The following ARHGAP24 variants were observed in gnomAD, a reference collection of about 807,000 sequenced individuals.
ARHGAP24 encodes rho GTPase-activating protein 24.
In ARHGAP24, 50 loss-of-function variants were observed where a neutral mutation model predicts 76.4. The observed-to-expected ratio is 0.65, with a 90% confidence interval of 0.52 to 0.83. ARHGAP24 has a LOEUF of 0.83. Ranked by LOEUF, ARHGAP24 falls within the 40% of genes least tolerant of loss-of-function variation. ARHGAP24 has a pLI of 0.00. For missense variants in ARHGAP24, 930 were observed against 914.2 expected, an observed-to-expected ratio of 1.02 and a Z score of -0.22; for synonymous variants, 345 against 323.3, an observed-to-expected ratio of 1.07 and a Z score of -0.72.
chr4:85,513,883 C>G (rs1724381921), intron 1 of ARHGAP24, among the ~76,000 whole-genome samples: 1 of 152,168 alleles, frequency 6.6e-6, no homozygotes, highest in Non-Finnish European at 1.5e-5. Context: ...GAGGTTTCAT[C>G]TAAGTCACAG....
chr4:85,931,670 A>G (rs1452369322), intron 4 of ARHGAP24, among the ~76,000 whole-genome samples: 1 of 152,192 alleles, frequency 6.6e-6, no homozygotes, highest in Non-Finnish European at 1.5e-5. Context: ...ACAACTTATG[A>G]TCAGTAAAAG....
intron 3 of ARHGAP24, among the ~76,000 whole-genome samples, chr4:85,787,205 G>A (rs1288580667): frequency 6.6e-6 from 1 of 152,166 alleles, no homozygotes; most frequent in East Asian, 1.9e-4. Flanking sequence ...CTAACAAGAG[G>A]ATATGAGCTT....
chr4:85,665,677 G>A (rs1287209881), intron 2 of ARHGAP24, among the ~76,000 whole-genome samples: 1 of 152,118 alleles, frequency 6.6e-6, no homozygotes, highest in African/African-American at 2.4e-5. Flanking sequence ...CATGTTTAGT[G>A]CTTCCTTCAG....
At chr4:85,591,904 C>T (rs10003508) in intron 2 of ARHGAP24, among the ~76,000 whole-genome samples, 1,936 of 152,168 alleles carry the variant, frequency 0.013, 43 homozygotes, top group African/African-American at 0.044. Context: ...ATTACCATAC[C>T]ACAGCCAACC....
chr4:85,940,197 G>T (rs1006259834), intron 4 of ARHGAP24, among the ~76,000 whole-genome samples: 2 of 152,042 alleles, frequency 1.3e-5, no homozygotes, highest in Non-Finnish European at 2.9e-5. Context: ...CAGAAAACTG[G>T]CTTAAACACA....
intron 3 of ARHGAP24, among the ~76,000 whole-genome samples, chr4:85,902,364 C>A (rs967638619): frequency 1.3e-5 from 2 of 152,172 alleles, no homozygotes; most frequent in Non-Finnish European, 2.9e-5. Flanking sequence ...ACTGTATTTT[C>A]TTTCCCAAGA....
intron 2 of ARHGAP24, among the ~76,000 whole-genome samples, chr4:85,660,554 T>G (rs1041602475): frequency 2.8e-5 from 4 of 143,770 alleles, no homozygotes; most frequent in African/African-American, 5.9e-5. Flanking sequence ...TCCCAGCACT[T>G]TGGGAGGCTG....
chr4:85,983,452 T>C (rs1739800209), intron 8 of ARHGAP24, among the ~76,000 whole-genome samples: 1 of 152,166 alleles, frequency 6.6e-6, no homozygotes, highest in Non-Finnish European at 1.5e-5. Context: ...TTCTTGACTT[T>C]TTAATAATCA....
At chr4:85,888,257 C>T (rs933137406) in intron 3 of ARHGAP24, among the ~76,000 whole-genome samples, 4 of 151,734 alleles carry the variant, frequency 2.6e-5, no homozygotes, top group African/African-American at 9.7e-5. Flanking sequence ...AAAAATTAGC[C>T]GGACGTGGTG....
At chr4:85,816,864 C>G (rs1211351170) in intron 3 of ARHGAP24, among the ~76,000 whole-genome samples, 1 of 152,088 alleles carries the variant, frequency 6.6e-6, no homozygotes, top group Non-Finnish European at 1.5e-5. Context: ...ATGGCTGTAC[C>G]AATTTACATT....
intron 8 of ARHGAP24, among the ~76,000 whole-genome samples, chr4:85,992,351 A>G (rs1169234880): frequency 1.3e-5 from 1 of 76,168 alleles, no homozygotes; most frequent in Non-Finnish European, 2.4e-5. Flanking sequence ...CCAAGATACA[A>G]GAGAGTTTAA....
intron 3 of ARHGAP24, among the ~76,000 whole-genome samples, chr4:85,853,648 C>T (rs1050443861): frequency 3.9e-5 from 6 of 152,112 alleles, no homozygotes; most frequent in South Asian, 2.1e-4. Flanking sequence ...AAAACCTGGC[C>T]GAGCACAGTG....
chr4:85,862,372 ATTTGAACACAG>A (rs1166118727), intron 3 of ARHGAP24, among the ~76,000 whole-genome samples: 1 of 152,048 alleles, frequency 6.6e-6, no homozygotes, highest in Non-Finnish European at 1.5e-5. Flanking sequence ...CGTTTGCCTT[ATTTGAACACAG>A]TTTGAACACT....
rs142156863 is a variant in ARHGAP24, at chr4:85,878,960, G to A, written c.269-44688G>A. Among the ~76,000 whole-genome samples the A allele has an allele frequency of 5.2e-3, 792 of 152,242 alleles. 5 individuals carry two copies. Among genetic ancestry groups the A allele is most frequent in the African/African-American group, 0.018 (754 of 41,546 alleles). ...AAAAAGTGGAATGAAAAATTGACACGGGAGTCAATCTCCACTGAGCAATTC... is the reference window on the plus strand; with the variant it reads ...AAAAAGTGGAATGAAAAATTGACACAGGAGTCAATCTCCACTGAGCAATTC... On this transcript the variant is annotated intron_variant, in intron 3 of 9. Transcript: ENST00000395184.
At chr4:85,837,725 G>A (rs1173854717) in intron 3 of ARHGAP24, among the ~76,000 whole-genome samples, 2 of 152,164 alleles carry the variant, frequency 1.3e-5, no homozygotes, top group Non-Finnish European at 2.9e-5. Context: ...AAACTCCAGT[G>A]TCAGCAAGCA....
chr4:85,890,831 A>G (rs28440876), intron 3 of ARHGAP24, among the ~76,000 whole-genome samples: 17,568 of 152,192 alleles, frequency 0.12, 1,067 homozygotes, highest in African/African-American at 0.13. Context: ...AAGTTATTAA[A>G]TTTAATCTAT....
intron 1 of ARHGAP24, among the ~76,000 whole-genome samples, chr4:85,476,972 T>C (rs1722623494): frequency 6.6e-6 from 1 of 152,202 alleles, no homozygotes; most frequent in Non-Finnish European, 1.5e-5. Context: ...AAATCTGTTC[T>C]CTCTAGAGCC....
chr4:85,838,280 G>A (rs550780025), intron 3 of ARHGAP24, among the ~76,000 whole-genome samples: 1 of 152,162 alleles, frequency 6.6e-6, no homozygotes, highest in African/African-American at 2.4e-5. Context: ...AGAGAGACAT[G>A]TAATCATTCT....
chr4:85,655,824 G>GAGAA (rs1722144091), intron 2 of ARHGAP24, among the ~76,000 whole-genome samples: 2 of 106,432 alleles, frequency 1.9e-5, no homozygotes, highest in African/African-American at 7.3e-5. Context: ...GAGAAAGAGA[G>GAGAA]AGAGAGAGAG....
Sources: allele counts gnomAD v4.1 joint callset (sites outside exome capture counted in the v4.1 genomes callset), GRCh38; gene constraint gnomAD v4.1.1; transcripts MANE v1.5; gene names NCBI Gene and HGNC (gene_info 2026-07-23, HGNC 2026-07-21).